Variants in WDR44 observed in about 807,000 individuals in gnomAD.
The protein encoded by WDR44 is WD repeat-containing protein 44.
In WDR44, 9 loss-of-function variants were observed where a neutral mutation model predicts 65.7. The observed-to-expected ratio is 0.14, with a 90% confidence interval of 0.08 to 0.24. WDR44 has a LOEUF of 0.24. Among genes scored for constraint, WDR44 ranks in the 10% least tolerant of loss-of-function variants. The pLI is 1.00. For missense variants in WDR44, 425 were observed against 670.9 expected (o/e 0.63, Z 4.05); for synonymous variants, 220 against 235.2 (o/e 0.94, Z 0.59).
chrX:118,437,271 T>C (rs1313391417), intron 14 of WDR44, among the ~76,000 whole-genome samples: 3 of 112,086 alleles, frequency 2.7e-5, no homozygotes, highest in Non-Finnish European at 5.6e-5. Context: ...TGATATCCCT[T>C]CTTTATTCCT....
At chrX:118,406,638 C>CT (rs1324410339) in intron 9 of WDR44, among the ~76,000 whole-genome samples, 1 of 111,275 alleles carries the variant, frequency 9.0e-6, no homozygotes, top group Non-Finnish European at 1.9e-5. Flanking sequence ...GATGAGAAAA[C>CT]TAAGAGGCAT....
chrX:118,432,897 A>G lies in WDR44; in HGVS notation c.1851+3A>G. 1.7e-6 allele frequency: 2 copies of G among 1,175,428 alleles called. No individual in the cohort carries two copies. The highest frequency in any genetic ancestry group is 2.3e-6 in the Non-Finnish European group (2 of 863,178). On this transcript the variant is annotated splice_donor_region_variant and intron_variant, in intron 13 of 19. Transcript: ENST00000254029. Reference sequence around the variant, plus strand: ...TCCTTGATCTTTCATGGTCTAAAGTAAGAAATTCTTATTTGAATCATATAG... The same window carrying G: ...TCCTTGATCTTTCATGGTCTAAAGTGAGAAATTCTTATTTGAATCATATAG...
At chrX:118,387,259 T>C in intron 2 of WDR44, 81 bp from the exon 3 acceptor site, 2 of 567,728 alleles carry the variant, frequency 3.5e-6, no homozygotes, top group Non-Finnish European at 2.7e-6. Flanking sequence ...TGCTACATTT[T>C]CTCATTTGTA....
chrX:118,352,316 A>ATT (rs1470711939), intron 1 of WDR44, among the ~76,000 whole-genome samples: 8 of 40,591 alleles, frequency 2.0e-4, no homozygotes, highest in Admixed American at 5.0e-4. Flanking sequence ...CGCCCAGCTA[A>ATT]TTTATATATA....
At chrX:118,377,719 CTCTCTT>C (rs2056673839) in intron 1 of WDR44, among the ~76,000 whole-genome samples, 1 of 75,386 alleles carries the variant, frequency 1.3e-5, no homozygotes, top group Non-Finnish European at 2.3e-5. Context: ...ATTTTCTTCT[CTCTCTT>C]TTTTTTTTTT....
intron 12 of WDR44, among the ~76,000 whole-genome samples, chrX:118,424,207 A>C (rs2057130385): frequency 9.5e-6 from 1 of 105,081 alleles, no homozygotes; most frequent in South Asian, 4.2e-4. Flanking sequence ...ACCAATTTAC[A>C]TTCCCATCGA....
intron 12 of WDR44, among the ~76,000 whole-genome samples, chrX:118,416,481 A>G (rs1329025062): frequency 9.0e-6 from 1 of 111,532 alleles, no homozygotes; most frequent in East Asian, 2.8e-4. Context: ...ATTTCCATGT[A>G]TTTGCACGGT....
chrX:118,369,683 T>C (rs991291119), intron 1 of WDR44, among the ~76,000 whole-genome samples: 6 of 109,503 alleles, frequency 5.5e-5, no homozygotes, highest in Admixed American at 3.9e-4. Context: ...TTAGCCAGGA[T>C]GGTCTCAATC....
chrX:118,352,339 TATATATA>T (rs2056416459), intron 1 of WDR44, among the ~76,000 whole-genome samples: 2 of 21,725 alleles, frequency 9.2e-5, no homozygotes, highest in African/African-American at 7.6e-4. Context: ...TATATATATA[TATATATA>T]TATATATTTT....
chrX:118,441,636 C>T, intron 15 of WDR44, 77 bp downstream of exon 15: 3 of 877,227 alleles, frequency 3.4e-6, no homozygotes, highest in African/African-American at 4.0e-5. Context: ...AGTTGCTTAT[C>T]CCCTCTGGGC....
intron 12 of WDR44, 87 bp from the exon 13 acceptor site, chrX:118,432,694 C>G: frequency 1.2e-6 from 1 of 851,207 alleles, no homozygotes; most frequent in Non-Finnish European, 1.7e-6. Context: ...AGGCATCATA[C>G]AAAATGCTGA....
In WDR44 at chrX:118,371,891, C is replaced by T. The variant is rs762576959; in HGVS notation, c.78-6528C>T. 5.4e-5 allele frequency among the ~76,000 whole-genome samples: 6 copies of T among 110,525 alleles called. 1 individual carries two copies. The East Asian group carries it at 1.7e-3, about 31-fold the overall frequency. On this transcript the variant is annotated intron_variant, in intron 1 of 19. Coordinates refer to ENST00000254029, the MANE Select transcript of WDR44 (RefSeq NM_019045.5). ...TTTTATGTAGACATTTGAACTTTTT[C>T]TGCAAAAAATTACCTTAATATGTAA...
At chrX:118,378,102 C>T (rs1018760730) in intron 1 of WDR44, among the ~76,000 whole-genome samples, 5 of 110,133 alleles carry the variant, frequency 4.5e-5, no homozygotes, top group East Asian at 5.7e-4. Context: ...ATTATAGGCA[C>T]GCACCACCAC....
chrX:118,410,034 A>G (rs938695262), intron 11 of WDR44, among the ~76,000 whole-genome samples: 7 of 112,434 alleles, frequency 6.2e-5, no homozygotes, highest in African/African-American at 2.3e-4. Context: ...ATATCAAGGG[A>G]TATATGAAAA....
At position 118,440,772 on chromosome X, in the gene WDR44, C is replaced by T. The variant is rs781407597; in HGVS notation, c.1975-596C>T. On this transcript the variant is annotated intron_variant, in intron 14 of 19. Coordinates refer to ENST00000254029, the MANE Select transcript of WDR44 (RefSeq NM_019045.5). Reference sequence around the variant, plus strand: ...TTTGATCACAGAACCTTCTTCCATGCAATACACACTCAAACACTTTATCTA... The same window carrying T: ...TTTGATCACAGAACCTTCTTCCATGTAATACACACTCAAACACTTTATCTA... Among the ~76,000 whole-genome samples the T allele has an allele frequency of 9.9e-5, 11 of 111,070 alleles. No homozygotes were observed. In the East Asian group the frequency reaches 3.1e-3, roughly 31 times the overall value.
At chrX:118,441,220 A>G (rs1289667198) in intron 14 of WDR44, 148 bp from the exon 15 acceptor site, 12 of 473,077 alleles carry the variant, frequency 2.5e-5, no homozygotes, top group Non-Finnish European at 3.8e-5. Flanking sequence ...GCCTCCCCCA[A>G]AGTGCTAGGA....
At chrX:118,422,952 T>G (rs924626106) in intron 12 of WDR44, among the ~76,000 whole-genome samples, 3 of 111,562 alleles carry the variant, frequency 2.7e-5, no homozygotes, top group African/African-American at 6.5e-5. Context: ...TTAACCATTA[T>G]GCTCCAATAG....
chrX:118,436,470 A>G, intron 13 of WDR44: 1 of 444,360 alleles, frequency 2.3e-6, no homozygotes, highest in South Asian at 2.6e-5. Flanking sequence ...GATTCATCTG[A>G]ATTTCAGAAC....
At chrX:118,395,817 G>GT (rs909121580) in intron 6 of WDR44, among the ~76,000 whole-genome samples, 11 of 111,507 alleles carry the variant, frequency 9.9e-5, no homozygotes, top group Admixed American at 9.5e-4. Flanking sequence ...GAGGTCAGGA[G>GT]TTTGAGACCA....
Sources: allele counts gnomAD v4.1 joint callset (sites outside exome capture counted in the v4.1 genomes callset), GRCh38; gene constraint gnomAD v4.1.1; transcripts MANE v1.5; gene names NCBI Gene and HGNC (gene_info 2026-07-23, HGNC 2026-07-21).